SORBS2: variants seen among roughly 807,000 people sequenced by gnomAD.
SORBS2 encodes the protein sorbin and SH3 domain containing 2, also known as sorbin and SH3 domain-containing protein 2.
In SORBS2, 46 loss-of-function variants were observed where a neutral mutation model predicts 97.7. That is an observed-to-expected ratio of 0.47 (90% confidence interval 0.37 to 0.60). The LOEUF is 0.60. SORBS2 is among the 20% of genes least tolerant of loss of function. The pLI, the probability that SORBS2 is intolerant of heterozygous loss-of-function variation, is 0.00. For missense variants in SORBS2, 1,316 were observed against 1,282.3 expected, an observed-to-expected ratio of 1.03 and a Z score of -0.40; for synonymous variants, 476 against 473.4, an observed-to-expected ratio of 1.01 and a Z score of -0.07.
At chr4:185,790,287 A>G (rs2099074629) in intron 1 of SORBS2, among the ~76,000 whole-genome samples, 1 of 152,208 alleles carries the variant, frequency 6.6e-6, no homozygotes, top group South Asian at 2.1e-4. Flanking sequence ...GCATTGGGGT[A>G]AGATGTAAAA....
At chr4:185,624,292 G>C in exon 7 of SORBS2, 1 of 1,614,194 alleles carries the variant, frequency 6.2e-7, no homozygotes, top group Non-Finnish European at 8.5e-7. Context: ...TTTTGGGAGA[G>C]ACGGTTTCTT....
At position 185,754,111 on chromosome 4, in the gene SORBS2, T is replaced by C. The variant is rs111840422; in HGVS notation, c.-198+21116A>G. The stretch of plus-strand genomic sequence containing the variant: ...GGTATATACACACCATGGAATACCA[T>C]GCAGCCATAAAAAAGGACAAGATGA... On this transcript the variant is annotated intron_variant, in intron 2 of 20. Coordinates refer to the SORBS2 transcript ENST00000284776. Among the ~76,000 whole-genome samples, 148 of 151,452 alleles carry C rather than the reference T, an allele frequency of 9.8e-4. 1 individual carries two copies. Among genetic ancestry groups the C allele is most frequent in the Middle Eastern group, 3.4e-3 (1 of 292 alleles).
At chr4:185,818,707 T>A (rs191244694) in intron 1 of SORBS2, among the ~76,000 whole-genome samples, 2,671 of 151,676 alleles carry the variant, frequency 0.018, 49 homozygotes, top group African/African-American at 0.044. Flanking sequence ...GCGCCTGTAG[T>A]CCCAGCTACT....
chr4:185,792,949 T>G (rs1338469854), intron 1 of SORBS2, among the ~76,000 whole-genome samples: 1 of 152,224 alleles, frequency 6.6e-6, no homozygotes, highest in Non-Finnish European at 1.5e-5. Context: ...GCCTGTTTCC[T>G]CTTCTGTAAA....
intron 2 of SORBS2, among the ~76,000 whole-genome samples, chr4:185,738,894 T>C (rs1436854087): frequency 6.6e-6 from 1 of 152,200 alleles, no homozygotes; most frequent in Non-Finnish European, 1.5e-5. Context: ...AATTGATTGG[T>C]GTGTTTGACC....
chr4:185,938,278 G>T (rs897848751), intron 1 of SORBS2, among the ~76,000 whole-genome samples: 1 of 151,854 alleles, frequency 6.6e-6, no homozygotes, highest in African/African-American at 2.4e-5. Flanking sequence ...GATTACAGGC[G>T]TGAGCCACCA....
Position 185,846,268 on chromosome 4 carries a change from G to A in SORBS2, c.-337-70902C>T, listed in dbSNP as rs531005322. Among the ~76,000 whole-genome samples the A allele has an allele frequency of 7.2e-5, 11 of 152,274 alleles. 3 individuals carry two copies. The highest frequency in any genetic ancestry group is 2.4e-4 in the African/African-American group (10 of 41,554). ...TGCAACAAATGGACGCCTCTCAAAT[G>A]CATCATGCCAGTGAAAGAAGCCAGA... On this transcript the variant is annotated intron_variant, in intron 1 of 20. Transcript: ENST00000284776.
At position 185,938,225 on chromosome 4, in the gene SORBS2, G is replaced by A. The variant is rs115197125; in HGVS notation, c.-338+17971C>T. On this transcript the variant is annotated intron_variant, in intron 1 of 20. Coordinates refer to the SORBS2 transcript ENST00000284776. The stretch of plus-strand genomic sequence containing the variant: ...GTTGGCCAGGCTAGTCTCGAACTTC[G>A]GACCTCAGGTCATCCACCCGCCTCG... Among the ~76,000 whole-genome samples, 423 of 151,666 alleles carry A rather than the reference G, an allele frequency of 2.8e-3. 2 individuals are homozygous for A. The highest frequency in any genetic ancestry group is 9.6e-3 in the African/African-American group (399 of 41,372).
chr4:185,785,701 G>T (rs2099053092), intron 1 of SORBS2, among the ~76,000 whole-genome samples: 1 of 152,182 alleles, frequency 6.6e-6, no homozygotes, highest in Admixed American at 6.5e-5. Flanking sequence ...CACATGCAAA[G>T]CTCTTAAACA....
chr4:185,932,214 G>C (rs944905781), intron 1 of SORBS2, among the ~76,000 whole-genome samples: 3 of 151,918 alleles, frequency 2.0e-5, no homozygotes, highest in Admixed American at 2.0e-4. Context: ...GGGATTAGGA[G>C]GCATTTGTCA....
intron 1 of SORBS2, among the ~76,000 whole-genome samples, chr4:185,818,928 A>G (rs548707410): frequency 6.6e-6 from 1 of 152,296 alleles, no homozygotes; most frequent in Admixed American, 6.5e-5. Context: ...ATTTTAAAAA[A>G]TTTATCTGAG....
chr4:185,683,803 A>G (rs2097909984), intron 2 of SORBS2, among the ~76,000 whole-genome samples: 1 of 152,210 alleles, frequency 6.6e-6, no homozygotes, highest in African/African-American at 2.4e-5. Flanking sequence ...AGAAAAACTC[A>G]GTAGTTTAGA....
At chr4:185,624,610 A>C in intron 6 of SORBS2, 116 bp from the exon 19 acceptor site, 1 of 1,148,620 alleles carries the variant, frequency 8.7e-7, no homozygotes, top group Non-Finnish European at 1.2e-6. Context: ...GAAAGCAGTT[A>C]GTGTGTTTTA....
At chr4:185,741,273 G>C (rs561206913) in intron 2 of SORBS2, among the ~76,000 whole-genome samples, 1 of 151,826 alleles carries the variant, frequency 6.6e-6, no homozygotes, top group South Asian at 2.1e-4. Flanking sequence ...AAGAAAGGCA[G>C]AGAGAATAAC....
intron 4 of SORBS2, among the ~76,000 whole-genome samples, chr4:185,668,118 A>G (rs1266532506): frequency 6.6e-6 from 1 of 152,206 alleles, no homozygotes; most frequent in Admixed American, 6.5e-5. Context: ...TTTCCCTTTC[A>G]AATTAAAAGA....
At chr4:185,764,143 C>A (rs540412497) in intron 2 of SORBS2, among the ~76,000 whole-genome samples, 1 of 152,188 alleles carries the variant, frequency 6.6e-6, no homozygotes, top group Non-Finnish European at 1.5e-5. Flanking sequence ...ACAGGAAACT[C>A]AAGCATATCC....
At chr4:185,872,476 A>G (rs2099230947) in intron 1 of SORBS2, among the ~76,000 whole-genome samples, 1 of 152,234 alleles carries the variant, frequency 6.6e-6, no homozygotes. Context: ...TGCGCGTGGA[A>G]TGCACTAAAT....
intron 1 of SORBS2, among the ~76,000 whole-genome samples, chr4:185,875,812 T>G (rs1216324827): frequency 2.0e-5 from 3 of 152,232 alleles, no homozygotes; most frequent in Non-Finnish European, 4.4e-5. Flanking sequence ...ATAAAAGGCG[T>G]TCTAGAGTCT....
chr4:185,879,741 G>A (rs1313028590), intron 1 of SORBS2, among the ~76,000 whole-genome samples: 2 of 151,708 alleles, frequency 1.3e-5, no homozygotes, highest in Non-Finnish European at 2.9e-5. Context: ...ATCTCATTGC[G>A]GTTTTGATTT....
Sources: gnomAD v4.1 joint callset for allele counts (sites outside exome capture counted in the v4.1 genomes callset) on GRCh38, gnomAD v4.1.1 for gene constraint, MANE v1.5 for transcripts, NCBI Gene and HGNC (gene_info 2026-07-23, HGNC 2026-07-21) for gene names.